Variants in KCNN3 observed in about 807,000 individuals in gnomAD.
KCNN3 encodes the protein potassium calcium-activated channel subfamily N member 3.
KCNN3 carries 16 observed loss-of-function variants against 62.9 expected under a neutral mutation model. The ratio of observed to expected loss-of-function variants is 0.25; its 90% CI spans 0.17 to 0.39. The LOEUF is 0.39. Ranked by LOEUF, KCNN3 falls within the 10% of genes least tolerant of loss-of-function variation. The pLI is 1.00. For missense variants in KCNN3, 599 were observed against 949.4 expected, an observed-to-expected ratio of 0.63 and a Z score of 4.85; for synonymous variants, 370 against 389.2, an observed-to-expected ratio of 0.95 and a Z score of 0.58.
At chr1:154,785,871 G>A (rs1327603826) in intron 2 of KCNN3, among the ~76,000 whole-genome samples, 1 of 152,020 alleles carries the variant, frequency 6.6e-6, no homozygotes. Context: ...AAAGTGCTGG[G>A]ATTACAGGCA....
At chr1:154,799,115 C>G (rs1395524442) in intron 2 of KCNN3, among the ~76,000 whole-genome samples, 3 of 151,968 alleles carry the variant, frequency 2.0e-5, no homozygotes, top group Non-Finnish European at 4.4e-5. Flanking sequence ...TGGGGTTTCA[C>G]CATGTTGGCC....
At chr1:154,795,171 C>T (rs763294242) in intron 2 of KCNN3, among the ~76,000 whole-genome samples, 3 of 152,186 alleles carry the variant, frequency 2.0e-5, no homozygotes, top group Non-Finnish European at 4.4e-5. Flanking sequence ...ATGCCCGTCG[C>T]CCAGCCCCTG....
chr1:154,811,550 A>G (rs577465091), intron 2 of KCNN3, among the ~76,000 whole-genome samples: 1 of 152,300 alleles, frequency 6.6e-6, no homozygotes, highest in South Asian at 2.1e-4. Context: ...CCATCATGCT[A>G]ACAGGACAGG....
At chr1:154,812,472 T>C (rs1005385249) in intron 2 of KCNN3, among the ~76,000 whole-genome samples, 4 of 149,940 alleles carry the variant, frequency 2.7e-5, no homozygotes, top group Non-Finnish European at 4.4e-5. Context: ...TGTGTTCTCA[T>C]TGTTCAATCC....
At chr1:154,734,389 C>T (rs1490034416) in intron 3 of KCNN3, among the ~76,000 whole-genome samples, 1 of 152,174 alleles carries the variant, frequency 6.6e-6, no homozygotes, top group Non-Finnish European at 1.5e-5. Flanking sequence ...GCAGAAAAGC[C>T]ATTTAGGAAC....
In KCNN3 at chr1:154,854,117, C is replaced by T. The variant is rs558987901; in HGVS notation, c.933+14915G>A. Among the ~76,000 whole-genome samples the T allele has an allele frequency of 2.6e-5, 4 of 152,068 alleles. No homozygotes were observed. The South Asian group carries it at 8.3e-4, about 32-fold the overall frequency. On this transcript the variant is annotated intron_variant, in intron 1 of 7. Coordinates refer to ENST00000271915, the MANE Select transcript of KCNN3 (RefSeq NM_002249.6). ...AGGTGTTGTGGCAGGCACCTGTGGTCCCAGCTACTCGGGAGGCTGAGGCAG... is the reference window on the plus strand; with the variant it reads ...AGGTGTTGTGGCAGGCACCTGTGGTTCCAGCTACTCGGGAGGCTGAGGCAG...
chr1:154,727,487 C>T (rs940454631), intron 4 of KCNN3, among the ~76,000 whole-genome samples: 2 of 152,194 alleles, frequency 1.3e-5, no homozygotes, highest in African/African-American at 4.8e-5. Context: ...AAAGGCTAGC[C>T]TGTGTGAAGT....
intron 2 of KCNN3, among the ~76,000 whole-genome samples, chr1:154,797,003 A>T (rs1227923170): frequency 1.3e-5 from 2 of 152,204 alleles, no homozygotes; most frequent in African/African-American, 2.4e-5. Context: ...GCTTGGCTTC[A>T]TCAGCAGCCT....
intron 3 of KCNN3, among the ~76,000 whole-genome samples, chr1:154,742,396 G>A (rs550906688): frequency 3.5e-4 from 53 of 152,258 alleles, no homozygotes; most frequent in African/African-American, 1.2e-3. Context: ...GTTTGAATCC[G>A]GGCTTTGCAC....
chr1:154,818,535 G>C (rs891385060), intron 2 of KCNN3, among the ~76,000 whole-genome samples: 2 of 152,176 alleles, frequency 1.3e-5, no homozygotes, highest in African/African-American at 4.8e-5. Context: ...AGATGTTGAG[G>C]CCATGAGGGC....
At chr1:154,845,030 A>G (rs759288669) in intron 1 of KCNN3, among the ~76,000 whole-genome samples, 10 of 152,026 alleles carry the variant, frequency 6.6e-5, no homozygotes, top group Non-Finnish European at 1.3e-4. Flanking sequence ...AGAGAGAGAA[A>G]AAAAACTGGG....
chr1:154,848,767 T>C (rs1652187015), intron 1 of KCNN3, among the ~76,000 whole-genome samples: 1 of 152,148 alleles, frequency 6.6e-6, no homozygotes, highest in Admixed American at 6.5e-5. Flanking sequence ...GCTCAACCCC[T>C]ACTTCTTCTA....
chr1:154,817,545 G>A (rs960033744), intron 2 of KCNN3, among the ~76,000 whole-genome samples: 2 of 152,250 alleles, frequency 1.3e-5, no homozygotes, highest in African/African-American at 4.8e-5. Context: ...GAAGGATTAA[G>A]TAACTTGCTA....
At chr1:154,748,034 C>A (rs1700977502) in intron 3 of KCNN3, among the ~76,000 whole-genome samples, 1 of 152,204 alleles carries the variant, frequency 6.6e-6, no homozygotes, top group Non-Finnish European at 1.5e-5. Flanking sequence ...ATCTCCACCC[C>A]CAGCACCAGC....
chr1:154,728,689 G>A (rs1374455693), intron 4 of KCNN3, among the ~76,000 whole-genome samples: 1 of 149,556 alleles, frequency 6.7e-6, no homozygotes, highest in Admixed American at 6.6e-5. Flanking sequence ...AGAGAAGGTG[G>A]GTGCAGGGAG....
rs374817828 is a variant in KCNN3, at chr1:154,801,497, C to T, written c.1029+20592G>A. 8.5e-5 allele frequency among the ~76,000 whole-genome samples: 13 copies of T among 152,286 alleles called. No homozygotes were observed. In the East Asian group the frequency reaches 2.5e-3, roughly 29 times the overall value. On this transcript the variant is annotated intron_variant, in intron 2 of 7. Transcript: ENST00000271915. ...TCCCCAAGAGCCTACGCCAAAAGGA[C>T]AAAGGATGCTCGCTCCCACCCCCTG... is the stretch of plus-strand genomic sequence containing the variant.
chr1:154,782,516 G>A (rs556035799), intron 2 of KCNN3, among the ~76,000 whole-genome samples: 12 of 152,252 alleles, frequency 7.9e-5, no homozygotes, highest in Admixed American at 7.8e-4. Context: ...CAGTCCTATA[G>A]GACTAGACCT....
At chr1:154,823,947 C>G (rs1204474329) in intron 1 of KCNN3, among the ~76,000 whole-genome samples, 1 of 152,196 alleles carries the variant, frequency 6.6e-6, no homozygotes, top group Non-Finnish European at 1.5e-5. Flanking sequence ...AGTGCTCTCC[C>G]TGATGTCTAT....
intron 2 of KCNN3, among the ~76,000 whole-genome samples, chr1:154,806,902 G>T (rs1380485164): frequency 2.0e-5 from 3 of 152,092 alleles, no homozygotes; most frequent in Non-Finnish European, 2.9e-5. Flanking sequence ...TCCCCACCAG[G>T]GTGCCCAAGG....
Sources: allele counts gnomAD v4.1 joint callset (sites outside exome capture counted in the v4.1 genomes callset), GRCh38; gene constraint gnomAD v4.1.1; transcripts MANE v1.5; gene names NCBI Gene and HGNC (gene_info 2026-07-23, HGNC 2026-07-21).